The following PTPRD variants were observed in gnomAD, a reference collection of about 807,000 sequenced individuals.
PTPRD encodes the protein protein tyrosine phosphatase receptor type D.
Under a neutral mutation model 214.5 loss-of-function variants are expected in PTPRD, and 34 were observed. The ratio of observed to expected loss-of-function variants is 0.16; its 90% CI spans 0.12 to 0.21. PTPRD has a LOEUF of 0.21. PTPRD is among the 10% of genes least tolerant of loss of function. PTPRD has a pLI of 1.00. For missense variants in PTPRD, 2,545 were observed against 2,398.7 expected, an observed-to-expected ratio of 1.06 and a Z score of -1.27; for synonymous variants, 1,128 against 845.7, an observed-to-expected ratio of 1.33 and a Z score of -5.79.
chr9:9,106,849 T>A (rs2099799360), intron 10 of PTPRD, among the ~76,000 whole-genome samples: 1 of 152,120 alleles, frequency 6.6e-6, no homozygotes, highest in East Asian at 1.9e-4. Flanking sequence ...TCTCTTATTA[T>A]CCTTGAATAT....
At chr9:10,365,846 G>A (rs1292650685) in intron 2 of PTPRD, among the ~76,000 whole-genome samples, 2 of 152,028 alleles carry the variant, frequency 1.3e-5, no homozygotes, top group East Asian at 1.9e-4. Context: ...TAATTTCTCC[G>A]ATTTGGATGG....
In PTPRD at chr9:10,211,116, AT is replaced by A. The variant is rs2099515139; in HGVS notation, c.-545+129846del. On this transcript the variant is annotated intron_variant, in intron 3 of 45. Coordinates refer to ENST00000381196, the MANE Select transcript of PTPRD (RefSeq NM_002839.4). Reference sequence around the variant, plus strand: ...GGGAAAAAGGGGGAGATTGGTAAAAATAAAAAATGAAAACAGCTGATGCTTT... The same window carrying A: ...GGGAAAAAGGGGGAGATTGGTAAAAAAAAAAATGAAAACAGCTGATGCTTT... Among the ~76,000 whole-genome samples the A allele has an allele frequency of 4.6e-5, 7 of 152,162 alleles. No individual in the cohort carries two copies. The South Asian group carries it at 1.4e-3, about 32-fold the overall frequency.
chr9:9,003,394 G>T (rs772676996), intron 11 of PTPRD, among the ~76,000 whole-genome samples: 2 of 151,918 alleles, frequency 1.3e-5, no homozygotes, highest in African/African-American at 4.8e-5. Context: ...CCCTCTGCTG[G>T]CCCCAACTAT....
At chr9:8,863,288 G>A (rs2098138357) in intron 11 of PTPRD, among the ~76,000 whole-genome samples, 1 of 152,152 alleles carries the variant, frequency 6.6e-6, no homozygotes. Context: ...GCATGCGACT[G>A]TGACAAATGG....
In PTPRD at chr9:8,934,423, A is replaced by ATATATATAAAAATATATATATAAATT. The variant is rs1567096825; in HGVS notation, c.-104+84273_-104+84274insAATTTATATATATATTTTTATATATA. Among the ~76,000 whole-genome samples, 47 of 60,040 alleles carry ATATATATAAAAATATATATATAAATT rather than the reference A, an allele frequency of 7.8e-4. 7 individuals carry two copies. Among genetic ancestry groups the ATATATATAAAAATATATATATAAATT allele is most frequent in the Middle Eastern group, 7.9e-3 (1 of 126 alleles). 39.4% of individuals were successfully genotyped at this position (60,040 alleles called of 152,430 possible). A position where few individuals can be genotyped will look rare whatever the true frequency, so the allele number is the denominator to read the frequency against. ...TGTGTGTGTGTGTGTGTGTGTGTGTATATATATATATAAATATATATATAA... is the reference window on the plus strand; with the variant it reads ...TGTGTGTGTGTGTGTGTGTGTGTGTATATATATAAAAATATATATATAAATTTATATATATATAAATATATATATAA... On this transcript the variant is annotated intron_variant, in intron 11 of 45. Transcript: ENST00000381196.
At chr9:9,661,494 C>T (rs946671020) in intron 7 of PTPRD, among the ~76,000 whole-genome samples, 1 of 151,760 alleles carries the variant, frequency 6.6e-6, no homozygotes, top group Admixed American at 6.6e-5. Flanking sequence ...ATAATTGCTA[C>T]CATTTAACAA....
chr9:9,968,944 C>A (rs1587726814), intron 4 of PTPRD, among the ~76,000 whole-genome samples: 2 of 152,080 alleles, frequency 1.3e-5, no homozygotes, highest in Non-Finnish European at 2.9e-5. Flanking sequence ...CTATTCAAGG[C>A]CCCCACGATA....
At chr9:9,149,460 T>G (rs1043963154) in intron 10 of PTPRD, among the ~76,000 whole-genome samples, 82 of 152,282 alleles carry the variant, frequency 5.4e-4, no homozygotes, top group African/African-American at 1.9e-3. Flanking sequence ...AGACTTGCCT[T>G]CTGGATCAGC....
At chr9:8,747,502 T>C (rs2092959884) in intron 11 of PTPRD, among the ~76,000 whole-genome samples, 2 of 150,696 alleles carry the variant, frequency 1.3e-5, no homozygotes, top group African/African-American at 2.4e-5. Context: ...GAAAGGGAAA[T>C]AAAAAGGAAC....
At chr9:8,889,057 A>C (rs1245996725) in intron 11 of PTPRD, among the ~76,000 whole-genome samples, 1 of 152,226 alleles carries the variant, frequency 6.6e-6, no homozygotes, top group African/African-American at 2.4e-5. Context: ...ATCTATTATT[A>C]GACCTGTGTC....
At chr9:10,226,926 A>G (rs554086381) in intron 3 of PTPRD, among the ~76,000 whole-genome samples, 10 of 152,166 alleles carry the variant, frequency 6.6e-5, no homozygotes, top group African/African-American at 2.2e-4. Flanking sequence ...GGGGGTAAAT[A>G]TAGAATTAGA....
chr9:8,628,537 T>C (rs189500550), intron 14 of PTPRD, among the ~76,000 whole-genome samples: 3 of 150,534 alleles, frequency 2.0e-5, no homozygotes, highest in Admixed American at 1.3e-4. Flanking sequence ...GGCATGTCAA[T>C]GAATCACGGA....
At chr9:8,640,776 T>C (rs755221648) in intron 12 of PTPRD, among the ~76,000 whole-genome samples, 23 of 151,990 alleles carry the variant, frequency 1.5e-4, no homozygotes, top group Non-Finnish European at 3.1e-4. Context: ...TGTCAATTTT[T>C]CTAGATTCGC....
chr9:9,322,278 G>A (rs1456223974), intron 9 of PTPRD, among the ~76,000 whole-genome samples: 3 of 152,158 alleles, frequency 2.0e-5, no homozygotes, highest in African/African-American at 7.2e-5. Context: ...AACGATAAAA[G>A]CTACTGATTA....
At chr9:10,518,836 A>G (rs766537012) in intron 2 of PTPRD, among the ~76,000 whole-genome samples, 22 of 149,882 alleles carry the variant, frequency 1.5e-4, no homozygotes, top group Non-Finnish European at 2.7e-4. Context: ...TCAGCCTTAC[A>G]TTGTTTTTTT....
chr9:9,416,191 T>A (rs1229314642), intron 8 of PTPRD, among the ~76,000 whole-genome samples: 1 of 152,216 alleles, frequency 6.6e-6, no homozygotes, highest in Non-Finnish European at 1.5e-5. Flanking sequence ...CCAACTCATC[T>A]GTCTTCAATT....
intron 3 of PTPRD, among the ~76,000 whole-genome samples, chr9:10,120,068 C>T (rs1452195409): frequency 6.6e-6 from 1 of 151,896 alleles, no homozygotes; most frequent in Non-Finnish European, 1.5e-5. Flanking sequence ...TGCAATAAGC[C>T]ACCCAGTGTC....
intron 11 of PTPRD, among the ~76,000 whole-genome samples, chr9:8,748,245 G>A (rs554017537): frequency 6.6e-6 from 1 of 152,122 alleles, no homozygotes; most frequent in Non-Finnish European, 1.5e-5. Context: ...GAATCCCTAA[G>A]CCTAGCTGGG....
intron 39 of PTPRD, among the ~76,000 whole-genome samples, chr9:8,344,740 A>G (rs1855906315): frequency 6.6e-6 from 1 of 152,004 alleles, no homozygotes; most frequent in Non-Finnish European, 1.5e-5. Context: ...GGCTTAAGGT[A>G]CCTCTTCAGA....
Sources: gnomAD v4.1 joint callset for allele counts (sites outside exome capture counted in the v4.1 genomes callset) on GRCh38, gnomAD v4.1.1 for gene constraint, MANE v1.5 for transcripts, NCBI Gene and HGNC (gene_info 2026-07-23, HGNC 2026-07-21) for gene names.